Variants in ANO3 observed in about 807,000 individuals in gnomAD.
ANO3 encodes the protein anoctamin-3.
In ANO3, 99 loss-of-function variants were observed where a neutral mutation model predicts 144.8. The observed-to-expected ratio is 0.68, with a 90% CI of 0.58 to 0.81. The LOEUF is 0.81. ANO3 is among the 30% of genes least tolerant of loss of function. ANO3 has a pLI of 0.00. For synonymous variants in ANO3, 414 were observed against 392.6 expected (o/e 1.05, Z -0.64); for missense variants, 905 against 1,202.2 (o/e 0.75, Z 3.66).
rs746380689 is a variant in ANO3 at position 26,421,917 on chromosome 11, G to C, written c.47-20001G>C. ...AATGATGAGAACACATCAACACATA[G>C]AGGGGAACAACACACACTGGGGCCT... On this transcript the variant is annotated intron_variant, in intron 1 of 26. Transcript: ENST00000256737. Among the ~76,000 whole-genome samples, 39 of 152,102 alleles carry C rather than the reference G, an allele frequency of 2.6e-4. 1 individual carries two copies. The highest frequency in any genetic ancestry group is 3.4e-3 in the Middle Eastern group (1 of 294).
intron 1 of ANO3, among the ~76,000 whole-genome samples, chr11:26,304,004 T>C (rs1854300706): frequency 6.6e-6 from 1 of 152,190 alleles, no homozygotes; most frequent in South Asian, 2.1e-4. Context: ...TGAGCCATCG[T>C]GCACGGCCAA....
chr11:26,531,540 G>T (rs957072395), intron 8 of ANO3, among the ~76,000 whole-genome samples: 2 of 152,108 alleles, frequency 1.3e-5, no homozygotes, highest in Admixed American at 6.6e-5. Flanking sequence ...GAGACATTCA[G>T]TAGTGAATAA....
intron 1 of ANO3, among the ~76,000 whole-genome samples, chr11:26,200,423 C>A (rs1851670563): frequency 6.6e-6 from 1 of 152,082 alleles, no homozygotes; most frequent in East Asian, 1.9e-4. Flanking sequence ...CTATTATAAT[C>A]TTTATCATAT....
chr11:26,415,775 G>A (rs1035851824), intron 1 of ANO3, among the ~76,000 whole-genome samples: 16 of 151,966 alleles, frequency 1.1e-4, no homozygotes, highest in African/African-American at 3.6e-4. Context: ...TCATTGAACC[G>A]GGTATTAAAT....
intron 4 of ANO3, among the ~76,000 whole-genome samples, chr11:26,465,068 AC>A (rs2134061087): frequency 6.6e-6 from 1 of 151,450 alleles, no homozygotes; most frequent in South Asian, 2.1e-4. Context: ...GTGTCTGTAT[AC>A]CCTGTGTGCT....
chr11:26,293,266 A>G (rs117964085), intron 1 of ANO3, among the ~76,000 whole-genome samples: 3,259 of 152,154 alleles, frequency 0.021, 61 homozygotes, highest in East Asian at 0.12. Context: ...TACAGGATCT[A>G]ATTAACATAA....
intron 1 of ANO3, among the ~76,000 whole-genome samples, chr11:26,296,961 A>T (rs1358108568): frequency 6.6e-6 from 1 of 152,144 alleles, no homozygotes; most frequent in Admixed American, 6.5e-5. Context: ...TACTCCAGTC[A>T]ATCATTATTA....
intron 15 of ANO3, 57 bp from the exon 16 acceptor site, chr11:26,598,801 G>A: frequency 2.6e-6 from 4 of 1,555,958 alleles, no homozygotes. Context: ...AATTCTTGGG[G>A]GTATGTTTTT....
chr11:26,497,857 C>A (rs997346018), intron 4 of ANO3, among the ~76,000 whole-genome samples: 1 of 151,952 alleles, frequency 6.6e-6, no homozygotes, highest in African/African-American at 2.4e-5. Context: ...AAAACTTGAT[C>A]TTTTAGCATA....
chr11:26,611,510 T>C (rs188926563), intron 17 of ANO3, among the ~76,000 whole-genome samples: 1 of 152,320 alleles, frequency 6.6e-6, no homozygotes, highest in East Asian at 1.9e-4. Context: ...TTTTTAAGAC[T>C]AGTTTTGTGG....
At chr11:26,619,676 T>C (rs1341868289) in intron 17 of ANO3, among the ~76,000 whole-genome samples, 1 of 151,944 alleles carries the variant, frequency 6.6e-6, no homozygotes. Context: ...CATGTTGGCC[T>C]GGCTGGTCTC....
chr11:26,263,795 CTG>C (rs1368807810), intron 1 of ANO3, among the ~76,000 whole-genome samples: 1 of 152,104 alleles, frequency 6.6e-6, no homozygotes, highest in African/African-American at 2.4e-5. Flanking sequence ...ACTGGAAACT[CTG>C]TGGAAATTGA....
intron 1 of ANO3, among the ~76,000 whole-genome samples, chr11:26,348,355 T>C (rs545636667): frequency 2.6e-5 from 4 of 152,310 alleles, no homozygotes; most frequent in South Asian, 2.1e-4. Context: ...TCTAATACCA[T>C]GAAAGGCATA....
chr11:26,247,924 G>T (rs541417582), intron 1 of ANO3, among the ~76,000 whole-genome samples: 1 of 151,474 alleles, frequency 6.6e-6, no homozygotes, highest in South Asian at 2.1e-4. Flanking sequence ...TAGAGACGGG[G>T]GTTTCACCAT....
rs534021010 is a variant in ANO3, at chr11:26,267,292, G to A, written c.155-42353G>A. ...ACACTATTAAGTGTTCTCTTTGAAAGTATGTATGCAGAGTGTTTGTGACGA... is the reference window on the plus strand; with the variant it reads ...ACACTATTAAGTGTTCTCTTTGAAAATATGTATGCAGAGTGTTTGTGACGA... On this transcript the variant is annotated intron_variant, in intron 1 of 27. Transcript: ENST00000672621. Among the ~76,000 whole-genome samples, 170 of 152,106 alleles carry A rather than the reference G, an allele frequency of 1.1e-3. 1 individual carries two copies. The highest frequency in any genetic ancestry group is 3.9e-3 in the African/African-American group (163 of 41,492).
chr11:26,654,316 G>T (rs1279192220), intron 24 of ANO3, among the ~76,000 whole-genome samples: 3 of 152,082 alleles, frequency 2.0e-5, no homozygotes, highest in African/African-American at 4.8e-5. Flanking sequence ...TTAGATCCCA[G>T]TGTAGAGGTC....
rs1244160889 is a variant in ANO3 at position 26,459,564 on chromosome 11, A to G, written c.314-3466A>G. Among the ~76,000 whole-genome samples, 8 of 152,036 alleles carry G rather than the reference A, an allele frequency of 5.3e-5. No individual in the cohort carries two copies. The East Asian group carries it at 1.4e-3, about 26-fold the overall frequency. On this transcript the variant is annotated intron_variant, in intron 3 of 26. Coordinates refer to ENST00000256737, the MANE Select transcript of ANO3 (RefSeq NM_031418.4). Reference sequence around the variant, plus strand: ...ATGTTAAGGAGAAAGCAGTCAACAAACAAGACAACAAAAGTGGGAAAAAAT... The same window carrying G: ...ATGTTAAGGAGAAAGCAGTCAACAAGCAAGACAACAAAAGTGGGAAAAAAT...
chr11:26,591,631 G>GT (rs1851455553), intron 14 of ANO3, among the ~76,000 whole-genome samples: 1 of 152,146 alleles, frequency 6.6e-6, no homozygotes, highest in African/African-American at 2.4e-5. Flanking sequence ...GAACCTCTTG[G>GT]TAAGAGGAGC....
chr11:26,587,796 A>G (rs951517881), intron 14 of ANO3, among the ~76,000 whole-genome samples: 2 of 152,042 alleles, frequency 1.3e-5, no homozygotes, highest in African/African-American at 2.4e-5. Flanking sequence ...GTCTCAACTA[A>G]AATTAAAAAA....
Sources: allele counts gnomAD v4.1 joint callset (sites outside exome capture counted in the v4.1 genomes callset), GRCh38; gene constraint gnomAD v4.1.1; transcripts MANE v1.5; gene names NCBI Gene and HGNC (gene_info 2026-07-23, HGNC 2026-07-21).